Variants in ROBO1 observed in about 807,000 individuals in gnomAD.
The protein encoded by ROBO1 is roundabout guidance receptor 1, also known as roundabout homolog 1.
ROBO1 carries 149 observed loss-of-function variants against 195.9 expected under a neutral mutation model. The observed-to-expected ratio is 0.76, with a 90% confidence interval of 0.67 to 0.87. The LOEUF (loss-of-function observed/expected upper bound fraction) is 0.87, where lower values mean the gene tolerates loss of function less well. ROBO1 is among the 40% of genes least tolerant of loss of function. The probability of loss-of-function intolerance (pLI) is 0.00; values close to 1 mark genes in which losing one functional copy is unlikely to be tolerated. For synonymous variants in ROBO1, 816 were observed against 733.2 expected (o/e 1.11, Z -1.82); for missense variants, 1,933 against 2,068.3 (o/e 0.93, Z 1.27).
At chr3:79,423,812 T>G (rs2038331487) in intron 2 of ROBO1, among the ~76,000 whole-genome samples, 1 of 152,126 alleles carries the variant, frequency 6.6e-6, no homozygotes. Flanking sequence ...CAAGGAAACC[T>G]CTGGTGAGTA....
chr3:79,179,161 C>T (rs576082677), intron 2 of ROBO1, among the ~76,000 whole-genome samples: 1 of 152,128 alleles, frequency 6.6e-6, no homozygotes, highest in Admixed American at 6.5e-5. Flanking sequence ...AGGCCCCATC[C>T]TCTTAGAAGC....
At chr3:78,943,121 C>G (rs569604260) in intron 3 of ROBO1, among the ~76,000 whole-genome samples, 1 of 152,090 alleles carries the variant, frequency 6.6e-6, no homozygotes, top group South Asian at 2.1e-4. Flanking sequence ...GAGGCTGAGG[C>G]AGGAGAATGG....
chr3:79,064,060 T>C (rs2078965590), intron 3 of ROBO1, among the ~76,000 whole-genome samples: 1 of 151,860 alleles, frequency 6.6e-6, no homozygotes, highest in South Asian at 2.1e-4. Flanking sequence ...AATAAAGTAT[T>C]GCATGTTTCA....
intron 29 of ROBO1, among the ~76,000 whole-genome samples, chr3:78,602,594 T>C (rs1000559276): frequency 2.6e-5 from 4 of 152,204 alleles, no homozygotes; most frequent in Admixed American, 2.6e-4. Context: ...AATATAACTG[T>C]CATAAGGGGA....
intron 4 of ROBO1, among the ~76,000 whole-genome samples, chr3:78,751,524 C>G (rs536186599): frequency 1.3e-5 from 2 of 152,214 alleles, no homozygotes; most frequent in African/African-American, 4.8e-5. Flanking sequence ...AAAGAACACT[C>G]CTCTACCAAG....
Position 78,856,310 on chromosome 3 carries a change from A to G in ROBO1, c.499+82291T>C, listed in dbSNP as rs2034429796. Among the ~76,000 whole-genome samples, 5 of 147,076 alleles carry G rather than the reference A, an allele frequency of 3.4e-5. No individual in the cohort carries two copies. In the South Asian group the frequency reaches 1.0e-3, roughly 31 times the overall value. On this transcript the variant is annotated intron_variant, in intron 4 of 30. Coordinates refer to ENST00000464233, the MANE Select transcript of ROBO1 (RefSeq NM_002941.4). ...AAAAAAAAGAAAAAAAAAAAAAAACAGTATGAGAAAATCCAGGGGAAAAGG... is the reference window on the plus strand; with the variant it reads ...AAAAAAAAGAAAAAAAAAAAAAAACGGTATGAGAAAATCCAGGGGAAAAGG...
intron 1 of ROBO1, among the ~76,000 whole-genome samples, chr3:79,706,779 G>T (rs1947786490): frequency 6.6e-6 from 1 of 152,064 alleles, no homozygotes; most frequent in Admixed American, 6.6e-5. Context: ...ACTTGGAACT[G>T]TAAGTCCATT....
chr3:78,941,037 CAT>C (rs1439103353), intron 3 of ROBO1, among the ~76,000 whole-genome samples: 3 of 152,218 alleles, frequency 2.0e-5, no homozygotes, highest in Non-Finnish European at 4.4e-5. Flanking sequence ...GTAAGCCCTA[CAT>C]GAGGCTTATT....
At chr3:79,587,416 T>G (rs192243973) in intron 2 of ROBO1, among the ~76,000 whole-genome samples, 6 of 151,990 alleles carry the variant, frequency 3.9e-5, no homozygotes. Context: ...GAAGTCTTGT[T>G]CCTGTAGACA....
intron 2 of ROBO1, among the ~76,000 whole-genome samples, chr3:79,575,164 A>AATATATATAAATATATATAAC (rs1221494311): frequency 0.38 from 36,272 of 96,152 alleles, 8,068 homozygotes; most frequent in Non-Finnish European, 0.41. Context: ...ATATATAACA[A>AATATATATAAATATATATAAC]ATATATATAA....
chr3:79,159,805 A>G (rs1280314173), intron 2 of ROBO1, among the ~76,000 whole-genome samples: 1 of 152,000 alleles, frequency 6.6e-6, no homozygotes, highest in Non-Finnish European at 1.5e-5. Flanking sequence ...TGGCCATCAG[A>G]TTTGCATTCC....
intron 1 of ROBO1, among the ~76,000 whole-genome samples, chr3:79,663,798 C>A (rs1309139015): frequency 6.6e-6 from 1 of 151,974 alleles, no homozygotes; most frequent in African/African-American, 2.4e-5. Context: ...TAGTCTATAT[C>A]CTGGAATCTC....
At chr3:79,437,157 A>T (rs1288904727) in intron 2 of ROBO1, among the ~76,000 whole-genome samples, 2 of 152,078 alleles carry the variant, frequency 1.3e-5, no homozygotes, top group Non-Finnish European at 2.9e-5. Context: ...AGAAAGGCTG[A>T]TCTACCTTAA....
chr3:79,094,198 T>G (rs1055104221), intron 3 of ROBO1, among the ~76,000 whole-genome samples: 6 of 152,132 alleles, frequency 3.9e-5, no homozygotes, highest in Admixed American at 3.9e-4. Flanking sequence ...GAGTTGCTTA[T>G]TACAGCAGTA....
Position 79,492,155 on chromosome 3 carries a change from T to G in ROBO1, c.88+97669A>C, listed in dbSNP as rs548107773. The stretch of plus-strand genomic sequence containing the variant: ...AAAAGAGGCCGTAGGTCAGGCACGG[T>G]GGCTCACGCCTGTAATCCCAGCACT... On this transcript the variant is annotated intron_variant, in intron 2 of 30. Coordinates refer to ENST00000464233, the MANE Select transcript of ROBO1 (RefSeq NM_002941.4). Among the ~76,000 whole-genome samples, 4 of 152,238 alleles carry G rather than the reference T, an allele frequency of 2.6e-5. No homozygotes were observed. The East Asian group carries it at 7.7e-4, about 29-fold the overall frequency.
intron 3 of ROBO1, among the ~76,000 whole-genome samples, chr3:79,006,688 A>AT (rs11442702): frequency 0.98 from 147,609 of 150,890 alleles, 72,242 homozygotes; most frequent in East Asian, 1. Context: ...CTTGGCCCTA[A>AT]TACAAGCACT....
intron 3 of ROBO1, among the ~76,000 whole-genome samples, chr3:78,955,037 A>T (rs1428530728): frequency 6.6e-6 from 1 of 150,714 alleles, no homozygotes; most frequent in Non-Finnish European, 1.5e-5. Flanking sequence ...TTATACAGGT[A>T]AACTGTGTTC....
intron 4 of ROBO1, among the ~76,000 whole-genome samples, chr3:78,899,898 A>C (rs923291150): frequency 6.6e-6 from 1 of 152,218 alleles, no homozygotes. Flanking sequence ...ATAAATGCAG[A>C]TAATTAGGAA....
At chr3:78,603,551 T>TTTGA (rs1703297518) in intron 29 of ROBO1, among the ~76,000 whole-genome samples, 1 of 152,134 alleles carries the variant, frequency 6.6e-6, no homozygotes, top group Non-Finnish European at 1.5e-5. Flanking sequence ...ACAGTAGGTG[T>TTTGA]TTGATATATG....
Sources: allele counts gnomAD v4.1 joint callset (sites outside exome capture counted in the v4.1 genomes callset), GRCh38; gene constraint gnomAD v4.1.1; transcripts MANE v1.5; gene names NCBI Gene and HGNC (gene_info 2026-07-23, HGNC 2026-07-21).